The following CD72 variants were observed in gnomAD, a reference collection of about 807,000 sequenced individuals.
The protein encoded by CD72 is B-cell differentiation antigen CD72.
A neutral mutation model predicts 50.7 loss-of-function variants in CD72; 28 were observed. That is an observed-to-expected ratio of 0.55 (90% CI 0.41 to 0.76). The LOEUF (loss-of-function observed/expected upper bound fraction) is 0.76, where lower values mean the gene tolerates loss of function less well. Among genes scored for constraint, CD72 ranks in the 30% least tolerant of loss-of-function variants. The pLI, the probability that CD72 is intolerant of heterozygous loss-of-function variation, is 0.00. For synonymous variants in CD72, 176 were observed against 171.2 expected, an observed-to-expected ratio of 1.03 and a Z score of -0.22; for missense variants, 403 against 420.6, an observed-to-expected ratio of 0.96 and a Z score of 0.37.
At chr9:35,629,556 A>C (rs1331417757) in intron 1 of CD72, among the ~76,000 whole-genome samples, 1 of 152,206 alleles carries the variant, frequency 6.6e-6, no homozygotes, top group Non-Finnish European at 1.5e-5. Flanking sequence ...TTGTGGGAGC[A>C]AGCTCAACAG....
Position 35,617,788 on chromosome 9 carries a change from TG to T in CD72, c.190+225del, listed in dbSNP as rs371595004. Among the ~76,000 whole-genome samples, 31 of 152,220 alleles carry T rather than the reference TG, an allele frequency of 2.0e-4. No individual in the cohort carries two copies. In the South Asian group the frequency reaches 6.2e-3, roughly 31 times the overall value. ...GTGCTCTCAAGAATACTGAGGGCCA[TG>T]GCATGGGGGCGCACGCCTGCAATCC... On this transcript the variant is annotated intron_variant, in intron 2 of 8. Transcript: ENST00000259633.
intron 1 of CD72, among the ~76,000 whole-genome samples, chr9:35,632,272 G>A (rs911620356): frequency 6.6e-6 from 1 of 151,454 alleles, no homozygotes. Flanking sequence ...CCGTCTTCCG[G>A]GTTCACGCCA....
At chr9:35,616,863 A>G (rs1272135074) in intron 3 of CD72, 174 bp from the exon 4 acceptor site, 2 of 985,388 alleles carry the variant, frequency 2.0e-6, no homozygotes, top group Non-Finnish European at 3.0e-6. Context: ...TTTCGCAGGT[A>G]GGGGAGAGGG....
chr9:35,635,267 A>G (rs761079936), intron 1 of CD72, among the ~76,000 whole-genome samples: 13 of 152,124 alleles, frequency 8.5e-5, no homozygotes, highest in Admixed American at 1.3e-4. Flanking sequence ...AATTTCATCT[A>G]TTATTTAATT....
intron 1 of CD72, among the ~76,000 whole-genome samples, chr9:35,629,769 A>G (rs936534484): frequency 6.6e-6 from 1 of 152,192 alleles, no homozygotes; most frequent in African/African-American, 2.4e-5. Context: ...GCTTTTACCC[A>G]CCATGCTCTG....
chr9:35,629,203 A>G (rs1171509029), intron 1 of CD72, among the ~76,000 whole-genome samples: 2 of 152,088 alleles, frequency 1.3e-5, no homozygotes, highest in African/African-American at 2.4e-5. Context: ...TTTAAGCTGC[A>G]TGTCCCTGAT....
At chr9:35,616,730 G>A (rs1288552379) in intron 3 of CD72, 41 bp from the exon 4 acceptor site, 2 of 1,512,338 alleles carry the variant, frequency 1.3e-6, no homozygotes, top group Non-Finnish European at 1.8e-6. Flanking sequence ...GTCAGCCCCC[G>A]TAAAGAATGT....
intron 1 of CD72, among the ~76,000 whole-genome samples, chr9:35,631,998 AG>A (rs1232587554): frequency 1.3e-5 from 2 of 152,200 alleles, no homozygotes; most frequent in African/African-American, 4.8e-5. Context: ...ATTTCCCAAA[AG>A]GAGTCTCTCA....
At chr9:35,635,153 A>G (rs993366462) in intron 1 of CD72, among the ~76,000 whole-genome samples, 3 of 152,166 alleles carry the variant, frequency 2.0e-5, no homozygotes, top group African/African-American at 7.2e-5. Flanking sequence ...AGTATGTAAG[A>G]TTTCCTATAT....
At chr9:35,619,148 A>G (rs1221758530), upstream of CD72, among the ~76,000 whole-genome samples, 1 of 152,174 alleles carries the variant, frequency 6.6e-6, no homozygotes, top group Non-Finnish European at 1.5e-5. Flanking sequence ...TTTCTTTAAA[A>G]AGTCCCAAAG....
intron 1 of CD72, among the ~76,000 whole-genome samples, chr9:35,641,186 G>A (rs1003830141): frequency 3.0e-4 from 39 of 129,298 alleles, no homozygotes; most frequent in Non-Finnish European, 3.9e-4. Flanking sequence ...AGATTTCCTC[G>A]GGGGGGGTGC....
At chr9:35,610,893 G>A (rs1822970688) in intron 7 of CD72, 140 bp from the exon 8 acceptor site, 3 of 577,092 alleles carry the variant, frequency 5.2e-6, no homozygotes, top group South Asian at 2.3e-5. Context: ...CAGGACAGAT[G>A]TCTGGAGTTC....
At chr9:35,643,875 G>A (rs1221958620) in intron 1 of CD72, among the ~76,000 whole-genome samples, 1 of 151,960 alleles carries the variant, frequency 6.6e-6, no homozygotes, top group Non-Finnish European at 1.5e-5. Context: ...CTACTCCAGA[G>A]GTTGGGAGGC....
chr9:35,611,850 T>G lies in CD72; in HGVS notation c.904A>C (p.Ser302Arg), dbSNP rs1425952907. 2.5e-6 allele frequency: 4 copies of G among 1,613,160 alleles called. No individual in the cohort carries two copies. The African/African-American group carries it at 5.3e-5, about 22-fold the overall frequency. ...GSGNSYWTGL[S>R]SNKDWKLTDD... is the part of the protein sequence containing the mutation. ...GTCAACTTCCAATCCTTGTTAGAGC[T>G]GAGGCCAGTCCAATATGAATTCCCT... Residue 302 changes from serine to arginine, a missense_variant, in exon 7 of 9, where the codon AGC becomes CGC. By Grantham distance (110) the Ser-to-Arg change is moderately radical. Transcript: ENST00000259633.
chr9:35,622,792 A>T (rs145817215), upstream of CD72, among the ~76,000 whole-genome samples: 4,697 of 150,804 alleles, frequency 0.031, 182 homozygotes, highest in African/African-American at 0.081. Flanking sequence ...GTCTCAAAAA[A>T]AATAATAATA....
At chr9:35,628,528 T>A (rs936149994) in intron 1 of CD72, among the ~76,000 whole-genome samples, 1 of 152,262 alleles carries the variant, frequency 6.6e-6, no homozygotes, top group African/African-American at 2.4e-5. Flanking sequence ...ATCTGAGTGA[T>A]GCTCGCTGCT....
intron 1 of CD72, among the ~76,000 whole-genome samples, chr9:35,645,730 C>T (rs1266956694): frequency 6.6e-6 from 1 of 152,152 alleles, no homozygotes; most frequent in Non-Finnish European, 1.5e-5. Flanking sequence ...TCTCCACAAC[C>T]CAGCTCTGTT....
intron 1 of CD72, among the ~76,000 whole-genome samples, chr9:35,636,256 G>A (rs1469947233): frequency 1.3e-5 from 2 of 152,118 alleles, no homozygotes; most frequent in Non-Finnish European, 2.9e-5. Context: ...CCTGCAGGGG[G>A]TGGGGGCAAA....
At chr9:35,620,286 G>C (rs1452525432), upstream of CD72, among the ~76,000 whole-genome samples, 1 of 152,086 alleles carries the variant, frequency 6.6e-6, no homozygotes, top group Non-Finnish European at 1.5e-5. Context: ...GGCCAACATA[G>C]TGAAACCCCG....
Sources: gnomAD v4.1 joint callset for allele counts (sites outside exome capture counted in the v4.1 genomes callset) on GRCh38, gnomAD v4.1.1 for gene constraint, MANE v1.5 for transcripts, NCBI Gene and HGNC (gene_info 2026-07-23, HGNC 2026-07-21) for gene names.